The following TMEM163 variants were observed in gnomAD, a reference collection of about 807,000 sequenced individuals.
The protein encoded by TMEM163 is transmembrane protein 163.
TMEM163 carries 17 observed loss-of-function variants against 29.3 expected under a neutral mutation model. The ratio of observed to expected loss-of-function variants is 0.58; its 90% CI spans 0.40 to 0.87. TMEM163 has a LOEUF of 0.87. Among genes scored for constraint, TMEM163 ranks in the 40% least tolerant of loss-of-function variants. TMEM163 has a pLI of 0.00. For missense variants in TMEM163, 303 were observed against 381.5 expected (o/e 0.79, Z 1.71); for synonymous variants, 157 against 160.6 (o/e 0.98, Z 0.17).
At chr2:134,665,273 T>C (rs866418175) in intron 2 of TMEM163, among the ~76,000 whole-genome samples, 26 of 152,144 alleles carry the variant, frequency 1.7e-4, no homozygotes, top group South Asian at 4.1e-4. Context: ...TGGGGAGGCC[T>C]GACAATCATG....
At chr2:134,489,288 T>C (rs777428443) in intron 5 of TMEM163, among the ~76,000 whole-genome samples, 1 of 152,108 alleles carries the variant, frequency 6.6e-6, no homozygotes, top group Non-Finnish European at 1.5e-5. Context: ...AAAGTTGCAG[T>C]GTGGGCCAGG....
intron 2 of TMEM163, among the ~76,000 whole-genome samples, chr2:134,709,026 G>A (rs1032164228): frequency 6.6e-6 from 1 of 152,186 alleles, no homozygotes; most frequent in Non-Finnish European, 1.5e-5. Flanking sequence ...AACATGTATT[G>A]AGTGCCTAAA....
chr2:134,570,056 T>C (rs1187630987), intron 2 of TMEM163, among the ~76,000 whole-genome samples: 2 of 152,146 alleles, frequency 1.3e-5, no homozygotes, highest in African/African-American at 4.8e-5. Context: ...TACTTCATAG[T>C]GGCCCCAAAG....
At chr2:134,504,981 G>C (rs2106488141) in intron 4 of TMEM163, among the ~76,000 whole-genome samples, 1 of 152,256 alleles carries the variant, frequency 6.6e-6, no homozygotes, top group Non-Finnish European at 1.5e-5. Flanking sequence ...AGACAGTTCT[G>C]GACCAGCTGT....
At chr2:134,568,476 G>A (rs773014688) in intron 2 of TMEM163, among the ~76,000 whole-genome samples, 2 of 151,538 alleles carry the variant, frequency 1.3e-5, no homozygotes, top group African/African-American at 2.4e-5. Flanking sequence ...GCAGTAAGCT[G>A]AGATAGCACA....
chr2:134,706,104 G>C (rs1684806452), intron 2 of TMEM163, among the ~76,000 whole-genome samples: 1 of 152,230 alleles, frequency 6.6e-6, no homozygotes, highest in East Asian at 1.9e-4. Context: ...GCAGCCCACT[G>C]TGAGCGGAGA....
At chr2:134,520,317 A>T (rs1282157575) in intron 4 of TMEM163, among the ~76,000 whole-genome samples, 1 of 152,218 alleles carries the variant, frequency 6.6e-6, no homozygotes, top group African/African-American at 2.4e-5. Context: ...ATGTCTGGCA[A>T]TAACAGTGGA....
At chr2:134,631,496 T>A (rs1682969471) in intron 2 of TMEM163, among the ~76,000 whole-genome samples, 1 of 151,948 alleles carries the variant, frequency 6.6e-6, no homozygotes, top group African/African-American at 2.4e-5. Context: ...AGACGTCCCC[T>A]GGGGGGTACT....
intron 2 of TMEM163, among the ~76,000 whole-genome samples, chr2:134,554,422 C>CA (rs941286100): frequency 0.033 from 698 of 21,042 alleles, 59 homozygotes; most frequent in Middle Eastern, 0.056. Context: ...GACCCCATCT[C>CA]AAAAAAAAAA....
intron 4 of TMEM163, among the ~76,000 whole-genome samples, chr2:134,523,082 T>G (rs1376766506): frequency 6.6e-6 from 1 of 152,186 alleles, no homozygotes; most frequent in Non-Finnish European, 1.5e-5. Context: ...TCAACCAAAT[T>G]AGAGAATTAC....
In TMEM163 at chr2:134,711,908, C is replaced by T. The variant is rs189034648; in HGVS notation, c.322+1292G>A. On this transcript the variant is annotated intron_variant, in intron 2 of 7. Transcript: ENST00000281924. ...CCTTCATTCCTTTCCTTTTTCTTTGCATATGTAAATTATGGTGTCTGATCC... is the reference window on the plus strand; with the variant it reads ...CCTTCATTCCTTTCCTTTTTCTTTGTATATGTAAATTATGGTGTCTGATCC... 5.9e-4 allele frequency among the ~76,000 whole-genome samples: 90 copies of T among 152,274 alleles called. 3 individuals are homozygous for T. The East Asian group carries it at 0.013, about 23-fold the overall frequency.
At chr2:134,487,620 G>T (rs974698740) in intron 5 of TMEM163, among the ~76,000 whole-genome samples, 2 of 152,100 alleles carry the variant, frequency 1.3e-5, no homozygotes, top group Non-Finnish European at 2.9e-5. Flanking sequence ...AAGAAAAGAT[G>T]GTGACCAAAC....
chr2:134,590,185 G>T (rs1439321724), intron 2 of TMEM163, among the ~76,000 whole-genome samples: 1 of 151,448 alleles, frequency 6.6e-6, no homozygotes, highest in Non-Finnish European at 1.5e-5. Context: ...GAAATTTAAG[G>T]TTAGGGTCCC....
intron 2 of TMEM163, among the ~76,000 whole-genome samples, chr2:134,602,846 G>A (rs866844758): frequency 4.6e-5 from 7 of 151,652 alleles, no homozygotes; most frequent in African/African-American, 1.5e-4. Context: ...GTCTCCTCCC[G>A]TCCCTCCTTC....
chr2:134,505,207 C>T (rs1245789736), intron 4 of TMEM163, among the ~76,000 whole-genome samples: 1 of 149,996 alleles, frequency 6.7e-6, no homozygotes, highest in Non-Finnish European at 1.5e-5. Context: ...CTTCCCAGCA[C>T]TGAGAGCACA....
intron 6 of TMEM163, chr2:134,458,634 A>C (rs1686456097): frequency 6.2e-6 from 1 of 160,268 alleles, no homozygotes; most frequent in African/African-American, 2.4e-5. Context: ...AACCTTTCTC[A>C]ATCGTGTGAC....
At position 134,550,642 on chromosome 2, in the gene TMEM163, A is replaced by G; in HGVS notation, c.386T>C (p.Val129Ala). The G allele has an allele frequency of 6.2e-7, 1 of 1,614,192 alleles. No individual in the cohort carries two copies. Among genetic ancestry groups the G allele is most frequent in the Non-Finnish European group, 8.5e-7 (1 of 1,180,022 alleles). Residue 129 changes from valine to alanine, a missense_variant, in exon 4 of 8, where the codon GTC becomes GCC. Val to Ala is a moderately conservative substitution (Grantham distance 64). Coordinates refer to ENST00000281924, the MANE Select transcript of TMEM163 (RefSeq NM_030923.5). ...FGFAFDAILD[V>A]LSSAIVLWRY... is the part of the protein sequence containing the mutation. ...CCACAGGACAATCGCCGATGACAGGACGTCCAGGATGGCATCAAACTAGGA... is the reference window on the plus strand; with the variant it reads ...CCACAGGACAATCGCCGATGACAGGGCGTCCAGGATGGCATCAAACTAGGA...
At chr2:134,677,469 AT>A (rs67633762) in intron 2 of TMEM163, among the ~76,000 whole-genome samples, 1 of 151,876 alleles carries the variant, frequency 6.6e-6, no homozygotes, top group Admixed American at 6.6e-5. Context: ...ATATAGTTGG[AT>A]TTTTTTTAAG....
chr2:134,624,040 A>G (rs1015318344), intron 2 of TMEM163, among the ~76,000 whole-genome samples: 7 of 152,186 alleles, frequency 4.6e-5, no homozygotes, highest in Non-Finnish European at 7.3e-5. Flanking sequence ...CACTATCCAG[A>G]CGTTAAAATA....
Sources: allele counts gnomAD v4.1 joint callset (sites outside exome capture counted in the v4.1 genomes callset), GRCh38; gene constraint gnomAD v4.1.1; transcripts MANE v1.5; gene names NCBI Gene and HGNC (gene_info 2026-07-23, HGNC 2026-07-21).